The following INTS8 variants were observed in gnomAD, a reference collection of about 807,000 sequenced individuals.
INTS8 encodes protein kaonashi-1.
Under a neutral mutation model 138.9 loss-of-function variants are expected in INTS8, and 47 were observed. The ratio of observed to expected loss-of-function variants is 0.34; its 90% CI spans 0.27 to 0.43. The LOEUF is 0.43. Ranked by LOEUF, INTS8 falls within the 20% of genes least tolerant of loss-of-function variation. The probability of loss-of-function intolerance (pLI) is 1.00; values close to 1 mark genes in which losing one functional copy is unlikely to be tolerated. For missense variants in INTS8, 996 were observed against 1,173.0 expected, an observed-to-expected ratio of 0.85 and a Z score of 2.20; for synonymous variants, 392 against 400.9, an observed-to-expected ratio of 0.98 and a Z score of 0.27.
intron 7 of INTS8, among the ~76,000 whole-genome samples, chr8:94,837,723 A>G (rs925989496): frequency 1.3e-5 from 2 of 152,144 alleles, no homozygotes; most frequent in Non-Finnish European, 2.9e-5. Flanking sequence ...ATGTCTTGTC[A>G]TACATACTTG....
chr8:94,840,194 A>C (rs2131012770), intron 8 of INTS8, among the ~76,000 whole-genome samples: 1 of 152,282 alleles, frequency 6.6e-6, no homozygotes, highest in Admixed American at 6.5e-5. Context: ...GTAGGAGTTG[A>C]GCAGCTGTAA....
At chr8:94,829,844 AT>A (rs1483097951) in intron 5 of INTS8, among the ~76,000 whole-genome samples, 1 of 152,202 alleles carries the variant, frequency 6.6e-6, no homozygotes, top group Non-Finnish European at 1.5e-5. Context: ...TAAAAACTCT[AT>A]GACAAACATG....
intron 26 of INTS8, among the ~76,000 whole-genome samples, chr8:94,879,219 A>G (rs1490193149): frequency 6.6e-6 from 1 of 152,176 alleles, no homozygotes; most frequent in Admixed American, 6.5e-5. Flanking sequence ...AATTTCTCCT[A>G]TTCCCCAACT....
intron 2 of INTS8, among the ~76,000 whole-genome samples, chr8:94,825,268 G>A (rs905300815): frequency 6.6e-6 from 1 of 151,994 alleles, no homozygotes; most frequent in East Asian, 1.9e-4. Flanking sequence ...TGGCCATCAT[G>A]GTGAAACCTC....
intron 26 of INTS8, chr8:94,876,756 G>A (rs1036629291): frequency 3.0e-6 from 1 of 330,768 alleles, no homozygotes; most frequent in Middle Eastern, 8.8e-4. Context: ...GTCTTACGAT[G>A]GCTTTATAAG....
At chr8:94,826,347 T>TCC (rs1814502047) in intron 2 of INTS8, among the ~76,000 whole-genome samples, 1 of 152,158 alleles carries the variant, frequency 6.6e-6, no homozygotes, top group South Asian at 2.1e-4. Flanking sequence ...AGTGGCGCGA[T>TCC]ATTCGCTCAC....
At position 94,880,504 on chromosome 8, in the gene INTS8, C is replaced by T. The variant is rs1030880828; in HGVS notation, c.*270C>T. ...TAGTTTTCTAATCTACTTTATGAGG[C>T]TGGATTTTTTTTTTAGAAAAGCTAA... On this transcript the variant is annotated 3_prime_UTR_variant, in exon 27 of 27. Coordinates refer to ENST00000523731, the MANE Select transcript of INTS8 (RefSeq NM_017864.4). The T allele has an allele frequency of 1.3e-4, 39 of 303,414 alleles. No homozygotes were observed. Among genetic ancestry groups the T allele is most frequent in the Non-Finnish European group, 4.7e-5 (8 of 168,782 alleles). The allele number at this position is 303,414 out of a possible 1,614,324, so 18.8% of individuals were successfully genotyped here. A position where few individuals can be genotyped will look rare whatever the true frequency, so the allele number is the denominator to read the frequency against.
chr8:94,866,138 C>A lies in INTS8; in HGVS notation c.2262-20C>A, dbSNP rs1460416760. On this transcript the variant is annotated intron_variant, in intron 17 of 26. Transcript: ENST00000523731. ...TTATTTCTAATATTAAATGTGTATT[C>A]AAAAATTTTTGTTTTGTAGGAGTGA... 9.3e-7 allele frequency: 1 copy of A among 1,074,190 alleles called. No individual in the cohort carries two copies. Among genetic ancestry groups the A allele is most frequent in the Non-Finnish European group, 1.4e-6 (1 of 723,282 alleles). The allele number at this position is 1,074,190 out of a possible 1,614,324, so 66.5% of individuals were successfully genotyped here.
intron 6 of INTS8, among the ~76,000 whole-genome samples, chr8:94,836,305 C>T (rs1451137193): frequency 2.0e-5 from 3 of 152,114 alleles, no homozygotes; most frequent in Non-Finnish European, 4.4e-5. Context: ...CTGTAGGCGA[C>T]CTAAAATCTA....
chr8:94,867,115 G>A, intron 18 of INTS8, 25 bp from the exon 19 acceptor site: 1 of 1,553,818 alleles, frequency 6.4e-7, no homozygotes, highest in Non-Finnish European at 8.8e-7. Flanking sequence ...CACTGTTTAA[G>A]GATTCTGTGT....
In INTS8 at chr8:94,853,926, G is replaced by A; in HGVS notation, c.1752+11G>A. 6.9e-7 allele frequency: 1 copy of A among 1,454,696 alleles called. No homozygotes were observed. Among genetic ancestry groups the A allele is most frequent in the Non-Finnish European group, 9.7e-7 (1 of 1,035,026 alleles). The allele number at this position is 1,454,696 out of a possible 1,614,324, so 90.1% of individuals were successfully genotyped here. ...TGCAGTACTGTTAAGGTGAGTAAAA[G>A]TGTGTATCAAACACTTGTTAAGAAT... On this transcript the variant is annotated intron_variant, in intron 14 of 26. Transcript: ENST00000523731.
chr8:94,859,083 T>C (rs1342130747), intron 15 of INTS8, among the ~76,000 whole-genome samples: 1 of 151,008 alleles, frequency 6.6e-6, no homozygotes, highest in African/African-American at 2.4e-5. Flanking sequence ...CTGGACAACA[T>C]AGTGAGACCC....
chr8:94,831,044 T>C (rs1814694623), intron 5 of INTS8, among the ~76,000 whole-genome samples: 1 of 152,064 alleles, frequency 6.6e-6, no homozygotes, highest in African/African-American at 2.4e-5. Context: ...GATCTGCCCA[T>C]CTTGGGCTCC....
intron 16 of INTS8, 61 bp downstream of exon 16, chr8:94,859,693 T>G (rs1254113062): frequency 3.0e-6 from 4 of 1,333,532 alleles, no homozygotes; most frequent in Non-Finnish European, 4.2e-6. Flanking sequence ...TTTCTTTAAC[T>G]TTATACTACT....
At chr8:94,861,847 G>A (rs529866180) in intron 16 of INTS8, among the ~76,000 whole-genome samples, 60 of 151,732 alleles carry the variant, frequency 4.0e-4, no homozygotes, top group African/African-American at 9.7e-4. Flanking sequence ...CACCGCGCCC[G>A]GCCCGGCCCT....
chr8:94,878,246 T>G (rs1816634825), intron 26 of INTS8, among the ~76,000 whole-genome samples: 1 of 152,214 alleles, frequency 6.6e-6, no homozygotes, highest in Non-Finnish European at 1.5e-5. Context: ...ACTAGTTCAG[T>G]GGTCCACATT....
chr8:94,834,023 C>T (rs1814825434), intron 6 of INTS8, among the ~76,000 whole-genome samples: 2 of 151,830 alleles, frequency 1.3e-5, no homozygotes, highest in African/African-American at 2.4e-5. Context: ...CTGCCCGCCT[C>T]GGCCTCCCAA....
chr8:94,860,784 A>G (rs1391437077), intron 16 of INTS8, among the ~76,000 whole-genome samples: 3 of 148,984 alleles, frequency 2.0e-5, no homozygotes, highest in Admixed American at 6.7e-5. Flanking sequence ...GGCTGGGTGC[A>G]GTGGCTCACG....
rs112177120 is a variant in INTS8 at position 94,851,772 on chromosome 8, A to G, written c.1641+86A>G. Reference sequence around the variant, plus strand: ...GAAAAGCTGTTCCCTGACCTTTTTGATAATAAGGACCTCTTACTTAACAGT... The same window carrying G: ...GAAAAGCTGTTCCCTGACCTTTTTGGTAATAAGGACCTCTTACTTAACAGT... On this transcript the variant is annotated intron_variant, in intron 13 of 26. Coordinates refer to ENST00000523731, the MANE Select transcript of INTS8 (RefSeq NM_017864.4). 1.9e-5 allele frequency: 21 copies of G among 1,102,390 alleles called. No homozygotes were observed. In the African/African-American group the frequency reaches 2.6e-4, roughly 14 times the overall value. The allele number at this position is 1,102,390 out of a possible 1,614,324, so 68.3% of individuals were successfully genotyped here. A position where few individuals can be genotyped will look rare whatever the true frequency, so the allele number is the denominator to read the frequency against.
Sources: gnomAD v4.1 joint callset for allele counts (sites outside exome capture counted in the v4.1 genomes callset) on GRCh38, gnomAD v4.1.1 for gene constraint, MANE v1.5 for transcripts, NCBI Gene and HGNC (gene_info 2026-07-23, HGNC 2026-07-21) for gene names.